Variants in ZDHHC13 observed in about 807,000 individuals in gnomAD.
ZDHHC13 encodes the protein palmitoyltransferase ZDHHC13.
Under a neutral mutation model 86.0 loss-of-function variants are expected in ZDHHC13, and 85 were observed. The observed-to-expected ratio is 0.99, with a 90% CI of 0.83 to 1.18. The LOEUF (loss-of-function observed/expected upper bound fraction) is 1.18. Among genes scored for constraint, ZDHHC13 ranks in the 50% most tolerant of loss-of-function variants. ZDHHC13 has a pLI of 0.00. For missense variants in ZDHHC13, 711 were observed against 730.2 expected, an observed-to-expected ratio of 0.97 and a Z score of 0.30; for synonymous variants, 263 against 246.4, an observed-to-expected ratio of 1.07 and a Z score of -0.63.
chr11:19,126,360 G>A (rs1848876995), intron 1 of ZDHHC13, among the ~76,000 whole-genome samples: 1 of 140,554 alleles, frequency 7.1e-6, no homozygotes, highest in African/African-American at 2.6e-5. Flanking sequence ...TTTTTGCAGT[G>A]GAGTCTTGCT....
At chr11:19,120,966 G>GTTAGTGAACATCTTGAAA (rs1363899055) in intron 1 of ZDHHC13, among the ~76,000 whole-genome samples, 1 of 152,184 alleles carries the variant, frequency 6.6e-6, no homozygotes, top group Admixed American at 6.5e-5. Flanking sequence ...GCTTCAGGGC[G>GTTAGTGAACATCTTGAAA]TTAGTGAACA....
intron 14 of ZDHHC13, chr11:19,166,805 AT>A: frequency 6.5e-6 from 1 of 154,630 alleles, no homozygotes; most frequent in Non-Finnish European, 1.4e-5. Flanking sequence ...AGCCCATGCC[AT>A]TTGGTAAGTA....
At chr11:19,152,364 T>C in intron 7 of ZDHHC13, 44 bp downstream of exon 7, 1 of 1,586,396 alleles carries the variant, frequency 6.3e-7, no homozygotes, top group Non-Finnish European at 8.6e-7. Context: ...ATATCTTGAG[T>C]TAGAAGATTG....
At chr11:19,175,541 A>AG (rs1850341302) in intron 16 of ZDHHC13, among the ~76,000 whole-genome samples, 1 of 152,148 alleles carries the variant, frequency 6.6e-6, no homozygotes, top group African/African-American at 2.4e-5. Flanking sequence ...GTCAGTGGCC[A>AG]GTCCATTAAG....
chr11:19,157,787 A>G (rs1167464813), intron 9 of ZDHHC13, among the ~76,000 whole-genome samples: 1 of 152,224 alleles, frequency 6.6e-6, no homozygotes, highest in African/African-American at 2.4e-5. Context: ...ATAAAAATGG[A>G]CGCAATTCAA....
At chr11:19,145,986 A>G (rs1788519316) in intron 2 of ZDHHC13, among the ~76,000 whole-genome samples, 195 bp from the exon 3 acceptor site, 1 of 152,236 alleles carries the variant, frequency 6.6e-6, no homozygotes, top group African/African-American at 2.4e-5. Flanking sequence ...TAATCTGATC[A>G]GTACATAAAC....
Position 19,138,562 on chromosome 11 carries a change from G to A in ZDHHC13, c.28-4416G>A, listed in dbSNP as rs1364910499. On this transcript the variant is annotated intron_variant, in intron 1 of 16. Coordinates refer to ENST00000446113, the MANE Select transcript of ZDHHC13 (RefSeq NM_019028.3). ...GAGGGAATCCTCCCTAACTCATTTT[G>A]TGAGGCCAGCATCATCCTGATACCA... is the stretch of plus-strand genomic sequence containing the variant. 4.4e-3 allele frequency among the ~76,000 whole-genome samples: 646 copies of A among 148,070 alleles called. 13 individuals are homozygous for A. The highest frequency in any genetic ancestry group is 4.4e-3 in the East Asian group (22 of 4,992).
Position 19,149,141 on chromosome 11 carries a change from G to T in ZDHHC13, c.375-46G>T, listed in dbSNP as rs1223344463. ...AATATCAGTCTCTCCCTGACTTTTT[G>T]CTTTTTCTGCATGCTACAGAATGGC... On this transcript the variant is annotated intron_variant, in intron 4 of 16. Coordinates refer to ENST00000446113, the MANE Select transcript of ZDHHC13 (RefSeq NM_019028.3). 1.3e-5 allele frequency: 18 copies of T among 1,412,458 alleles called. No homozygotes were observed. The Admixed American group carries it at 2.3e-4, about 18-fold the overall frequency. The allele number at this position is 1,412,458 out of a possible 1,614,324, so 87.5% of individuals were successfully genotyped here.
Position 19,143,046 on chromosome 11 carries a change from C to T in ZDHHC13, c.96C>T (p.Asn32=), listed in dbSNP as rs202238805. ...FGRYGICAHE[N]KELANAREAL... is the part of the protein sequence containing the mutation. ...GATATGGCATCTGTGCACATGAAAA[C>T]AAAGAACTTGCCAATGCAAGAGAAG... Residue 32 remains asparagine (N), a synonymous_variant, in exon 2 of 17, where the codon AAC becomes AAT. Coordinates refer to ENST00000446113, the MANE Select transcript of ZDHHC13 (RefSeq NM_019028.3). The T allele has an allele frequency of 1.1e-3, 1,704 of 1,612,990 alleles. 10 individuals are homozygous for T. The highest frequency in any genetic ancestry group is 0.01 in the Middle Eastern group (62 of 6,062).
intron 14 of ZDHHC13, chr11:19,170,143 A>C (rs1850179573): frequency 7.9e-7 from 1 of 1,263,094 alleles, no homozygotes; most frequent in Non-Finnish European, 9.9e-7. Flanking sequence ...TGCTGATTTT[A>C]GTAAAGATTT....
chr11:19,135,551 C>T (rs1425286083), intron 1 of ZDHHC13, among the ~76,000 whole-genome samples: 17 of 152,340 alleles, frequency 1.1e-4, no homozygotes, highest in South Asian at 4.1e-4. Context: ...CCGGGAAGCT[C>T]GAACTGGGTG....
intron 1 of ZDHHC13, among the ~76,000 whole-genome samples, chr11:19,139,252 G>C (rs1028514636): frequency 9.2e-5 from 14 of 152,048 alleles, no homozygotes; most frequent in Admixed American, 3.9e-4. Context: ...AAATCACAAG[G>C]ATTCTTATAC....
intron 16 of ZDHHC13, 47 bp downstream of exon 16, chr11:19,172,867 G>A (rs1193183270): frequency 2.0e-6 from 3 of 1,514,764 alleles, no homozygotes; most frequent in Non-Finnish European, 2.7e-6. Flanking sequence ...AAGATCCCTA[G>A]TCACTGGTTT....
At chr11:19,145,509 C>T (rs1020540100) in intron 2 of ZDHHC13, among the ~76,000 whole-genome samples, 9 of 152,212 alleles carry the variant, frequency 5.9e-5, no homozygotes, top group Non-Finnish European at 8.8e-5. Context: ...GCACAGAAGG[C>T]CCATGTGATC....
chr11:19,130,748 G>A (rs1333678395), intron 1 of ZDHHC13, among the ~76,000 whole-genome samples: 2 of 151,952 alleles, frequency 1.3e-5, no homozygotes, highest in African/African-American at 4.8e-5. Context: ...CTGTTGTGCT[G>A]TTGCTTTCTG....
chr11:19,172,903 C>A, intron 16 of ZDHHC13, 83 bp downstream of exon 16: 1 of 1,248,618 alleles, frequency 8.0e-7, no homozygotes, highest in Non-Finnish European at 1.1e-6. Context: ...CTACCCATGG[C>A]CATGCTGCTG....
In ZDHHC13 at chr11:19,164,698, A is replaced by G. The variant is rs1472572678; in HGVS notation, c.1296+335A>G. The stretch of plus-strand genomic sequence containing the variant: ...CACTTAGTGAAACCTCTCATTTTGC[A>G]ATTGAGGAATCAAGGGAGGAAGTAA... On this transcript the variant is annotated intron_variant, in intron 12 of 16. Coordinates refer to ENST00000446113, the MANE Select transcript of ZDHHC13 (RefSeq NM_019028.3). 3 of 410,678 alleles carry G rather than the reference A, an allele frequency of 7.3e-6. No homozygotes were observed. The Admixed American group carries it at 1.2e-4, about 17-fold the overall frequency. 25.4% of individuals were successfully genotyped at this position (410,678 alleles called of 1,614,324 possible).
intron 1 of ZDHHC13, among the ~76,000 whole-genome samples, chr11:19,130,628 G>A (rs1185993469): frequency 6.6e-6 from 1 of 151,946 alleles, no homozygotes; most frequent in African/African-American, 2.4e-5. Context: ...GGTTATTAAC[G>A]TGAAAGCTTA....
chr11:19,149,127 C>T (rs540178680), intron 4 of ZDHHC13, 60 bp from the exon 5 acceptor site: 3 of 1,381,416 alleles, frequency 2.2e-6, no homozygotes, highest in South Asian at 3.6e-5. Context: ...ATATCAGTCT[C>T]TCCCTGACTT....
Sources: gnomAD v4.1 joint callset for allele counts (sites outside exome capture counted in the v4.1 genomes callset) on GRCh38, gnomAD v4.1.1 for gene constraint, MANE v1.5 for transcripts, NCBI Gene and HGNC (gene_info 2026-07-23, HGNC 2026-07-21) for gene names.